The following RNF125 variants were observed in gnomAD, a reference collection of about 807,000 sequenced individuals.
RNF125 encodes E3 ubiquitin-protein ligase RNF125.
RNF125 carries 21 observed loss-of-function variants against 26.0 expected under a neutral mutation model. That is an observed-to-expected ratio of 0.81 (90% CI 0.57 to 1.16). RNF125 has a LOEUF of 1.16. RNF125 is among the 50% of genes most tolerant of loss of function. RNF125 has a pLI of 0.00. For synonymous variants in RNF125, 95 were observed against 109.2 expected, an observed-to-expected ratio of 0.87 and a Z score of 0.81; for missense variants, 270 against 299.4, an observed-to-expected ratio of 0.90 and a Z score of 0.72.
At chr18:32,057,625 G>A (rs1165391523) in intron 4 of RNF125, among the ~76,000 whole-genome samples, 5 of 151,922 alleles carry the variant, frequency 3.3e-5, no homozygotes, top group Non-Finnish European at 5.9e-5. Context: ...ATGAGCTACC[G>A]CGCCTGGTCC....
intron 4 of RNF125, among the ~76,000 whole-genome samples, chr18:32,059,518 A>G (rs1332426983): frequency 6.6e-6 from 1 of 152,178 alleles, no homozygotes; most frequent in Non-Finnish European, 1.5e-5. Flanking sequence ...TATTCTGGTT[A>G]TTAATCCCTT....
intron 1 of RNF125, among the ~76,000 whole-genome samples, chr18:32,033,197 A>G (rs930547460): frequency 1.3e-5 from 2 of 152,184 alleles, no homozygotes; most frequent in African/African-American, 4.8e-5. Flanking sequence ...GAAAGGGAGA[A>G]GAGGACATAG....
intron 3 of RNF125, among the ~76,000 whole-genome samples, chr18:32,042,687 T>G (rs1199380496): frequency 1.3e-5 from 2 of 151,622 alleles, no homozygotes; most frequent in Non-Finnish European, 2.9e-5. Flanking sequence ...CTTGTTTCTC[T>G]TTAGAATATA....
intron 1 of RNF125, among the ~76,000 whole-genome samples, chr18:32,030,165 T>C (rs1465092056): frequency 6.6e-6 from 1 of 152,170 alleles, no homozygotes; most frequent in Non-Finnish European, 1.5e-5. Flanking sequence ...TGCCTCAGCC[T>C]CCTGAGTAGC....
intron 1 of RNF125, chr18:32,031,486 G>GAAAAA (rs745809061): frequency 0.022 from 468 of 20,948 alleles, 71 homozygotes; most frequent in African/African-American, 0.051. Flanking sequence ...CAAATTGTGG[G>GAAAAA]AAAAAAAAAA....
chr18:32,079,728 A>C, the RNF125 span, among the ~76,000 whole-genome samples: 1 of 152,258 alleles, frequency 6.6e-6, no homozygotes, highest in African/African-American at 2.4e-5. Flanking sequence ...AGATATGCCC[A>C]TCAAGTGAAC....
chr18:32,078,506 A>G, the RNF125 span, among the ~76,000 whole-genome samples: 1 of 152,076 alleles, frequency 6.6e-6, no homozygotes, highest in Non-Finnish European at 1.5e-5. Context: ...GCACGGTGGC[A>G]TGTGCCCATA....
chr18:32,020,001 A>C (rs1045981731), intron 1 of RNF125, among the ~76,000 whole-genome samples: 40 of 87,896 alleles, frequency 4.6e-4, no homozygotes, highest in African/African-American at 1.9e-3. Context: ...CTCTCTGTTT[A>C]CTGTGTGTGT....
intron 4 of RNF125, among the ~76,000 whole-genome samples, chr18:32,051,615 TAAAAAAAAAA>T (rs71177836): frequency 2.5e-5 from 2 of 78,978 alleles, no homozygotes; most frequent in Non-Finnish European, 4.6e-5. Flanking sequence ...GACTCAGTCT[TAAAAAAAAAA>T]AAAAAAAAAA....
At chr18:32,040,102 C>T (rs542298504) in intron 2 of RNF125, among the ~76,000 whole-genome samples, 35 of 151,590 alleles carry the variant, frequency 2.3e-4, no homozygotes, top group Non-Finnish European at 4.7e-4. Context: ...TATATTCTGT[C>T]TTTTCCTTTC....
intron 4 of RNF125, among the ~76,000 whole-genome samples, chr18:32,060,771 CTT>C (rs1255353992): frequency 6.6e-6 from 1 of 152,194 alleles, no homozygotes; most frequent in Non-Finnish European, 1.5e-5. Context: ...CTAGTACCGA[CTT>C]CAGCCCATTG....
intron 4 of RNF125, among the ~76,000 whole-genome samples, chr18:32,050,565 C>CT (rs1293136286): frequency 1.3e-5 from 2 of 151,418 alleles, no homozygotes; most frequent in Admixed American, 1.3e-4. Context: ...TCTCAAATTC[C>CT]TGGCTTCGAG....
intron 4 of RNF125, among the ~76,000 whole-genome samples, chr18:32,060,221 G>A (rs1029928857): frequency 6.6e-6 from 1 of 152,232 alleles, no homozygotes; most frequent in African/African-American, 2.4e-5. Context: ...AGTAGGATGA[G>A]GTGAAGCTCT....
intron 4 of RNF125, 82 bp from the exon 5 acceptor site, chr18:32,065,820 C>G: frequency 1.0e-6 from 1 of 985,648 alleles, no homozygotes; most frequent in Non-Finnish European, 1.6e-6. Flanking sequence ...CGTAAGCCAC[C>G]GCGCCCAGCC....
the RNF125 span, among the ~76,000 whole-genome samples, chr18:32,085,417 A>AGAGAGAGAGAGAGAGAGAGAGAG: frequency 9.8e-6 from 1 of 101,644 alleles, no homozygotes; most frequent in African/African-American, 4.1e-5. Context: ...GAGAGAGAGA[A>AGAGAGAGAGAGAGAGAGAGAGAG]AGCTGGGTGA....
chr18:32,057,333 CT>C (rs531930687), intron 4 of RNF125, among the ~76,000 whole-genome samples: 9,045 of 140,436 alleles, frequency 0.064, 534 homozygotes, highest in African/African-American at 0.17. Flanking sequence ...CCCCAAATGA[CT>C]TTTTTTTTTT....
intron 2 of RNF125, among the ~76,000 whole-genome samples, chr18:32,039,140 G>A (rs1007500275): frequency 3.3e-5 from 5 of 150,076 alleles, no homozygotes; most frequent in Admixed American, 2.0e-4. Context: ...AGTGGCTCAT[G>A]CCTGTAATCC....
chr18:32,053,256 G>A (rs1390287612), intron 4 of RNF125, among the ~76,000 whole-genome samples: 1 of 152,114 alleles, frequency 6.6e-6, no homozygotes, highest in East Asian at 1.9e-4. Flanking sequence ...CAGCTACTCG[G>A]GAGACTGAGG....
At chr18:32,087,573 T>G in the RNF125 span, among the ~76,000 whole-genome samples, 4 of 151,704 alleles carry the variant, frequency 2.6e-5, no homozygotes, top group Non-Finnish European at 4.4e-5. Context: ...CACAGAAGTC[T>G]TCTTCTGTGT....
Sources: gnomAD v4.1 joint callset for allele counts (sites outside exome capture counted in the v4.1 genomes callset) on GRCh38, gnomAD v4.1.1 for gene constraint, MANE v1.5 for transcripts, NCBI Gene and HGNC (gene_info 2026-07-23, HGNC 2026-07-21) for gene names.